The following SDK1 variants were observed in gnomAD, a reference collection of about 807,000 sequenced individuals.
SDK1 encodes sidekick cell adhesion molecule 1.
Under a neutral mutation model 245.5 loss-of-function variants are expected in SDK1, and 157 were observed. The ratio of observed to expected loss-of-function variants is 0.64; its 90% CI spans 0.56 to 0.73. The LOEUF (loss-of-function observed/expected upper bound fraction) is 0.73, where lower values mean the gene tolerates loss of function less well. Among genes scored for constraint, SDK1 ranks in the 30% least tolerant of loss-of-function variants. SDK1 has a pLI of 0.00. For synonymous variants in SDK1, 1,647 were observed against 1,278.5 expected (o/e 1.29, Z -6.15); for missense variants, 3,583 against 3,002.3 (o/e 1.19, Z -4.52).
At chr7:3,489,113 C>T (rs1046735494) in intron 1 of SDK1, among the ~76,000 whole-genome samples, 7 of 152,140 alleles carry the variant, frequency 4.6e-5, no homozygotes, top group Non-Finnish European at 8.8e-5. Flanking sequence ...TATTCTCTCC[C>T]TGCAGACATA....
intron 14 of SDK1, among the ~76,000 whole-genome samples, chr7:4,006,240 C>T (rs1294028983): frequency 1.3e-5 from 2 of 152,318 alleles, no homozygotes; most frequent in East Asian, 3.9e-4. Context: ...GTGATTCATT[C>T]CTCGTGATTC....
chr7:3,779,624 C>G (rs559809692), intron 4 of SDK1, among the ~76,000 whole-genome samples: 1 of 152,098 alleles, frequency 6.6e-6, no homozygotes, highest in South Asian at 2.1e-4. Context: ...CTAAAATATT[C>G]AAAAAATAAT....
At chr7:3,606,719 C>T (rs1276770689) in intron 1 of SDK1, among the ~76,000 whole-genome samples, 1 of 152,180 alleles carries the variant, frequency 6.6e-6, no homozygotes, top group African/African-American at 2.4e-5. Context: ...AAACAATCTT[C>T]CTTGTTGAAA....
intron 1 of SDK1, among the ~76,000 whole-genome samples, chr7:3,463,683 G>A (rs1465623747): frequency 6.6e-6 from 1 of 152,184 alleles, no homozygotes; most frequent in Admixed American, 6.5e-5. Context: ...AAACGATGGA[G>A]CCAGGGCTTA....
intron 1 of SDK1, among the ~76,000 whole-genome samples, chr7:3,361,508 C>T (rs1360985715): frequency 6.6e-6 from 1 of 152,170 alleles, no homozygotes. Context: ...ACCTTCGTTT[C>T]CCACATCTTC....
At chr7:3,550,914 C>T (rs1453502140) in intron 1 of SDK1, among the ~76,000 whole-genome samples, 1 of 152,048 alleles carries the variant, frequency 6.6e-6, no homozygotes, top group Non-Finnish European at 1.5e-5. Flanking sequence ...TAGTGTATTA[C>T]TTTAGTTCAG....
intron 1 of SDK1, among the ~76,000 whole-genome samples, chr7:3,576,995 C>T (rs1156725300): frequency 6.6e-6 from 1 of 151,962 alleles, no homozygotes; most frequent in African/African-American, 2.4e-5. Flanking sequence ...GGATGGACTT[C>T]CATCATTTTT....
intron 4 of SDK1, among the ~76,000 whole-genome samples, chr7:3,821,213 G>A (rs570084199): frequency 6.6e-6 from 1 of 152,136 alleles, no homozygotes; most frequent in African/African-American, 2.4e-5. Flanking sequence ...AGGTGCTGGC[G>A]CAGATGTGGA....
rs55818819 is a variant in SDK1, at chr7:3,760,158, C to T, written c.714-61292C>T. Among the ~76,000 whole-genome samples the T allele has an allele frequency of 5.5e-3, 832 of 152,128 alleles. 10 individuals carry two copies. The highest frequency in any genetic ancestry group is 0.019 in the African/African-American group (796 of 41,504). On this transcript the variant is annotated intron_variant, in intron 4 of 44. Transcript: ENST00000404826. ...AAGAGATGTCTTTTTTGCATATCTG[C>T]ATTTGTGAAAGATAAAATTTCTCGA... is the stretch of plus-strand genomic sequence containing the variant.
intron 14 of SDK1, among the ~76,000 whole-genome samples, chr7:3,991,365 G>A (rs1040716460): frequency 4.6e-5 from 7 of 152,114 alleles, no homozygotes; most frequent in Non-Finnish European, 7.4e-5. Flanking sequence ...GTCCCATTAC[G>A]CCCAGGCAGA....
At chr7:3,438,851 T>A (rs1415124635) in intron 1 of SDK1, among the ~76,000 whole-genome samples, 3 of 55,012 alleles carry the variant, frequency 5.5e-5, no homozygotes, top group Non-Finnish European at 1.0e-4. Flanking sequence ...GTATTAATAT[T>A]TTTTTTTTTT....
intron 4 of SDK1, among the ~76,000 whole-genome samples, chr7:3,686,262 G>C (rs1267040597): frequency 1.3e-5 from 2 of 152,160 alleles, no homozygotes; most frequent in African/African-American, 2.4e-5. Context: ...TTTTAGTAGA[G>C]ACGGGGTTTC....
chr7:3,321,768 TTCCTTCCTTC>T (rs1173590197), intron 1 of SDK1, among the ~76,000 whole-genome samples: 55 of 83,686 alleles, frequency 6.6e-4, no homozygotes, highest in African/African-American at 2.7e-3. Flanking sequence ...CCTCCCTTCC[TTCCTTCCTTC>T]TCCTTCCTTC....
At chr7:4,015,765 G>C (rs1286629328) in intron 16 of SDK1, among the ~76,000 whole-genome samples, 1 of 152,188 alleles carries the variant, frequency 6.6e-6, no homozygotes, top group Non-Finnish European at 1.5e-5. Flanking sequence ...AAGCCCAGAG[G>C]CCACTTGCTC....
intron 14 of SDK1, among the ~76,000 whole-genome samples, chr7:3,989,663 C>T (rs939054708): frequency 2.0e-5 from 3 of 152,164 alleles, no homozygotes; most frequent in African/African-American, 4.8e-5. Flanking sequence ...CCCGTGGGTC[C>T]CTGGTGCTGC....
intron 25 of SDK1, among the ~76,000 whole-genome samples, chr7:4,116,682 C>T (rs1241094170): frequency 2.6e-5 from 4 of 152,232 alleles, no homozygotes; most frequent in African/African-American, 9.6e-5. Flanking sequence ...TCTTCCTACT[C>T]TTCTCAGAGG....
chr7:3,909,539 A>G (rs549931010), intron 5 of SDK1, among the ~76,000 whole-genome samples: 10 of 152,318 alleles, frequency 6.6e-5, no homozygotes, highest in African/African-American at 2.4e-4. Context: ...AAAGACAGTA[A>G]GCTCGGGAAA....
At chr7:3,519,595 C>T (rs898555643) in intron 1 of SDK1, among the ~76,000 whole-genome samples, 7 of 151,936 alleles carry the variant, frequency 4.6e-5, no homozygotes, top group African/African-American at 1.7e-4. Context: ...TGAGTAGGTA[C>T]TGTTATACCA....
intron 1 of SDK1, among the ~76,000 whole-genome samples, chr7:3,455,941 A>G (rs1780651145): frequency 6.6e-6 from 1 of 152,172 alleles, no homozygotes; most frequent in Admixed American, 6.5e-5. Flanking sequence ...AAATTCTTTC[A>G]GTTTTCCTTG....
Sources: allele counts gnomAD v4.1 joint callset (sites outside exome capture counted in the v4.1 genomes callset), GRCh38; gene constraint gnomAD v4.1.1; transcripts MANE v1.5; gene names NCBI Gene and HGNC (gene_info 2026-07-23, HGNC 2026-07-21).